BEND7: variants seen among roughly 807,000 people sequenced by gnomAD.
BEND7 encodes BEN domain containing 7, also known as BEN domain-containing protein 7.
A neutral mutation model predicts 50.9 loss-of-function variants in BEND7; 28 were observed. That is an observed-to-expected ratio of 0.55 (90% CI 0.41 to 0.75). The LOEUF (loss-of-function observed/expected upper bound fraction) is 0.75, where lower values mean the gene tolerates loss of function less well. BEND7 is among the 30% of genes least tolerant of loss of function. The probability of loss-of-function intolerance (pLI) is 0.00; values close to 1 mark genes in which losing one functional copy is unlikely to be tolerated. For missense variants in BEND7, 477 were observed against 491.3 expected (o/e 0.97, Z 0.28); for synonymous variants, 170 against 183.9 (o/e 0.92, Z 0.61).
At chr10:13,474,099 G>A (rs532456372) in intron 6 of BEND7, among the ~76,000 whole-genome samples, 2 of 151,880 alleles carry the variant, frequency 1.3e-5, no homozygotes, top group African/African-American at 4.8e-5. Context: ...GCCGATACCT[G>A]TCATTGCTGT....
chr10:13,518,121 T>A (rs750456717), intron 2 of BEND7, among the ~76,000 whole-genome samples: 1 of 152,248 alleles, frequency 6.6e-6, no homozygotes, highest in African/African-American at 2.4e-5. Flanking sequence ...ATTTATTATT[T>A]TTTTTCAATG....
At chr10:13,491,969 C>T (rs529006726) in intron 5 of BEND7, among the ~76,000 whole-genome samples, 22 of 151,322 alleles carry the variant, frequency 1.5e-4, no homozygotes, top group Non-Finnish European at 2.7e-4. Context: ...AAATATAGTG[C>T]ACTATTAAAC....
intron 2 of BEND7, among the ~76,000 whole-genome samples, chr10:13,521,928 G>C (rs1459666313): frequency 6.6e-6 from 1 of 152,224 alleles, no homozygotes; most frequent in Non-Finnish European, 1.5e-5. Flanking sequence ...TCTTTGGGGA[G>C]ATTCTGGGGA....
intron 8 of BEND7, chr10:13,445,926 A>G (rs1443154500): frequency 6.6e-6 from 1 of 152,224 alleles, no homozygotes; most frequent in East Asian, 1.9e-4. Flanking sequence ...GGCTAGGTCT[A>G]TTACGATTAG....
At chr10:13,527,924 C>T in intron 1 of BEND7, 1 of 775,584 alleles carries the variant, frequency 1.3e-6, no homozygotes, top group Non-Finnish European at 1.6e-6. Flanking sequence ...TATCTGACTG[C>T]TATATGATCT....
At chr10:13,483,217 C>T (rs768908162) in intron 5 of BEND7, among the ~76,000 whole-genome samples, 1 of 152,108 alleles carries the variant, frequency 6.6e-6, no homozygotes, top group Non-Finnish European at 1.5e-5. Context: ...GTACTTAAAA[C>T]GCTGACCTCT....
chr10:13,449,201 T>C (rs555739758), intron 7 of BEND7, among the ~76,000 whole-genome samples: 96 of 152,146 alleles, frequency 6.3e-4, no homozygotes, highest in Non-Finnish European at 1.1e-3. Flanking sequence ...AATGAACATA[T>C]GTTATGTTTA....
chr10:13,510,028 A>T (rs1347834645), intron 2 of BEND7, among the ~76,000 whole-genome samples: 2 of 152,232 alleles, frequency 1.3e-5, no homozygotes, highest in African/African-American at 4.8e-5. Context: ...ACTGCATCTA[A>T]CATTAAGCAA....
intron 5 of BEND7, among the ~76,000 whole-genome samples, chr10:13,485,303 G>A (rs2076145192): frequency 6.6e-6 from 1 of 152,116 alleles, no homozygotes; most frequent in African/African-American, 2.4e-5. Flanking sequence ...AGCTACATGT[G>A]GTCACTGGTT....
downstream of BEND7, chr10:13,439,148 C>T (rs376935916): frequency 1.3e-4 from 209 of 1,557,684 alleles, no homozygotes; most frequent in African/African-American, 2.6e-3. Flanking sequence ...GTGATACACA[C>T]ACACATAAAT....
chr10:13,520,321 C>T (rs933542540), intron 2 of BEND7, among the ~76,000 whole-genome samples: 4 of 152,130 alleles, frequency 2.6e-5, no homozygotes, highest in African/African-American at 9.7e-5. Flanking sequence ...TTTCCCAGGC[C>T]ATAGCTCCTG....
At chr10:13,479,971 G>T (rs2075739952) in intron 6 of BEND7, among the ~76,000 whole-genome samples, 1 of 152,126 alleles carries the variant, frequency 6.6e-6, no homozygotes, top group Admixed American at 6.5e-5. Flanking sequence ...GGCAGAGAAG[G>T]CCCTCTGCGT....
At chr10:13,463,910 T>C (rs1482079923) in intron 6 of BEND7, among the ~76,000 whole-genome samples, 1 of 151,978 alleles carries the variant, frequency 6.6e-6, no homozygotes, top group African/African-American at 2.4e-5. Context: ...AGAGGAAAAA[T>C]AACTAAATAA....
intron 6 of BEND7, among the ~76,000 whole-genome samples, chr10:13,460,950 C>T (rs1167306366): frequency 6.6e-6 from 1 of 152,138 alleles, no homozygotes; most frequent in Non-Finnish European, 1.5e-5. Flanking sequence ...CCCCAAAAAT[C>T]CTGCAGTGAA....
At chr10:13,496,920 A>G in intron 3 of BEND7, 32 bp from the exon 4 acceptor site, 1 of 1,398,516 alleles carries the variant, frequency 7.2e-7, no homozygotes, top group African/African-American at 1.9e-5. Flanking sequence ...GACATACTCC[A>G]AACAAACCAA....
At chr10:13,487,760 T>C (rs971784550) in intron 5 of BEND7, among the ~76,000 whole-genome samples, 1 of 152,006 alleles carries the variant, frequency 6.6e-6, no homozygotes, top group African/African-American at 2.4e-5. Flanking sequence ...TTGATCCCAG[T>C]GGATCACTTT....
At chr10:13,469,836 T>A (rs2074633097) in intron 6 of BEND7, among the ~76,000 whole-genome samples, 1 of 152,214 alleles carries the variant, frequency 6.6e-6, no homozygotes, top group Admixed American at 6.5e-5. Flanking sequence ...TTAGTTTTTT[T>A]GTGAGTATTC....
At chr10:13,470,831 T>C (rs959448455) in intron 6 of BEND7, among the ~76,000 whole-genome samples, 1 of 152,216 alleles carries the variant, frequency 6.6e-6, no homozygotes, top group Non-Finnish European at 1.5e-5. Context: ...TGAGTCCATT[T>C]CACTGGCATT....
intron 2 of BEND7, among the ~76,000 whole-genome samples, chr10:13,521,818 C>T (rs2079096050): frequency 6.6e-6 from 1 of 152,232 alleles, no homozygotes; most frequent in South Asian, 2.1e-4. Context: ...CTCCATTTTA[C>T]AGACGGACCT....
Sources: allele counts gnomAD v4.1 joint callset (sites outside exome capture counted in the v4.1 genomes callset), GRCh38; gene constraint gnomAD v4.1.1; transcripts MANE v1.5; gene names NCBI Gene and HGNC (gene_info 2026-07-23, HGNC 2026-07-21).